Variants in SF3B2 observed in about 807,000 individuals in gnomAD.
SF3B2 encodes the protein SAP 145.
SF3B2 carries 22 observed loss-of-function variants against 116.3 expected under a neutral mutation model. That is an observed-to-expected ratio of 0.19 (90% CI 0.14 to 0.27). The LOEUF (loss-of-function observed/expected upper bound fraction) is 0.27. SF3B2 is among the 10% of genes least tolerant of loss of function. The probability of loss-of-function intolerance (pLI) is 1.00; values close to 1 mark genes in which losing one functional copy is unlikely to be tolerated. For missense variants in SF3B2, 767 were observed against 1,151.4 expected, an observed-to-expected ratio of 0.67 and a Z score of 4.83; for synonymous variants, 406 against 421.6, an observed-to-expected ratio of 0.96 and a Z score of 0.45.
intron 17 of SF3B2, 90 bp downstream of exon 17, chr11:66,063,206 G>GTC: frequency 9.0e-7 from 1 of 1,113,532 alleles, no homozygotes; most frequent in Non-Finnish European, 1.3e-6. Context: ...GGAGTTGTGT[G>GTC]TTCTGACACA....
Position 66,058,986 on chromosome 11 carries a change from G to A in SF3B2, c.1123G>A (p.Glu375Lys). 6.2e-7 allele frequency: 1 copy of A among 1,614,184 alleles called. No homozygotes were observed. The highest frequency in any genetic ancestry group is 8.5e-7 in the Non-Finnish European group (1 of 1,180,040). The change falls in exon 10 of 22, where the codon GAA (glutamate) becomes AAA (lysine). Residue 375 changes from glutamate (E) to lysine (K), a missense_variant. Glu to Lys is a moderately conservative substitution (Grantham distance 56). This residue lies in a region of SF3B2 where 455 missense variants were observed against 537.5 expected (regional missense o/e 0.85). Transcript: ENST00000322535. ...ADVEIEYVTEEPEIYEPNFIF... is the reference protein window; with the variant it reads ...ADVEIEYVTEKPEIYEPNFIF... The stretch of plus-strand genomic sequence containing the variant: ...TGTTGAGATTGAGTATGTGACTGAA[G>A]AACCTGAAATTTACGAGCCCAACTT...
At chr11:66,055,649 T>G in intron 5 of SF3B2, 64 bp downstream of exon 5, 2 of 1,454,790 alleles carry the variant, frequency 1.4e-6, no homozygotes, top group Non-Finnish European at 1.9e-6. Flanking sequence ...TTTATAGTGC[T>G]TAGAGTGCAC....
At chr11:66,068,427 G>A in intron 21 of SF3B2, 94 bp downstream of exon 21, 1 of 1,281,134 alleles carries the variant, frequency 7.8e-7, no homozygotes, top group Non-Finnish European at 1.1e-6. Context: ...TGAGAGTGAG[G>A]GTGGCCTCTG....
At chr11:66,054,537 G>A (rs1219884175) in intron 3 of SF3B2, among the ~76,000 whole-genome samples, 1 of 151,580 alleles carries the variant, frequency 6.6e-6, no homozygotes, top group Non-Finnish European at 1.5e-5. Flanking sequence ...TTACCCAGCT[G>A]GAAGCAATCA....
chr11:66,062,941 T>G, intron 16 of SF3B2, 68 bp from the exon 17 acceptor site: 2 of 1,077,608 alleles, frequency 1.9e-6, no homozygotes, highest in South Asian at 3.2e-5. Flanking sequence ...TGAGTGTGCC[T>G]TTTCTCTAGG....
chr11:66,062,475 T>TAAAAAAA (rs1857115005), intron 16 of SF3B2, among the ~76,000 whole-genome samples: 1 of 150,128 alleles, frequency 6.7e-6, no homozygotes, highest in African/African-American at 2.4e-5. Context: ...CACCTCTACT[T>TAAAAAAA]TAAAAAAAAA....
intron 7 of SF3B2, 136 bp downstream of exon 7, chr11:66,057,511 TTAAAC>T (rs1001441504): frequency 2.2e-5 from 14 of 631,706 alleles, no homozygotes; most frequent in South Asian, 1.9e-4. Flanking sequence ...CCCTTCTTAT[TTAAAC>T]TAAGGGTATG....
In SF3B2 at chr11:66,061,989, C is replaced by T. The variant is rs1857107601; in HGVS notation, c.1968C>T (p.Pro656=). The change falls in exon 16 of 22, where the codon CCC becomes CCT. Residue 656 remains proline, a synonymous_variant. Transcript: ENST00000322535. ...TGAAAATCCCTGGGCTGAACTCGCC[C>T]ATCCCTGAGGTGAGCATTGTCCTTT... is the stretch of plus-strand genomic sequence containing the variant. ...PNLKIPGLNS[P]IPESCSFGYH... 2.5e-6 allele frequency: 4 copies of T among 1,611,702 alleles called. No homozygotes were observed. The South Asian group carries it at 4.4e-5, about 18-fold the overall frequency.
chr11:66,068,139 C>T lies in SF3B2; in HGVS notation c.2431-9C>T, dbSNP rs374748125. 1.1e-5 allele frequency: 17 copies of T among 1,613,726 alleles called. No homozygotes were observed. The highest frequency in any genetic ancestry group is 8.0e-5 in the African/African-American group (6 of 74,880). ...TTTGGAGATGACCAGGCCCTGATCT[C>T]CTTTCCAGGTTATGAGCCGGAAGGG... On this transcript the variant is annotated splice_polypyrimidine_tract_variant and intron_variant, in intron 20 of 21. Coordinates refer to ENST00000322535, the MANE Select transcript of SF3B2 (RefSeq NM_006842.3).
At position 66,058,352 on chromosome 11, in the gene SF3B2, G is replaced by A. The variant is rs1857039435; in HGVS notation, c.913G>A (p.Gly305Ser). The change falls in exon 9 of 22, where the codon GGC becomes AGC. Residue 305 changes from glycine to serine, a missense_variant. By Grantham distance (56) the Gly-to-Ser change is moderately conservative. Around this residue, in one of 4 missense-constraint regions of SF3B2, gnomAD observed 455 missense variants for 537.5 expected, o/e 0.85. Coordinates refer to ENST00000322535, the MANE Select transcript of SF3B2 (RefSeq NM_006842.3). ...GGAAACAGATGCTCGCTCGTCCCTG[G>A]GCCAGTCAGCGTCAGAGACTGAGGA... ...EMETDARSSL[G>S]QSASETEEDT... 6.2e-7 allele frequency: 1 copy of A among 1,614,024 alleles called. No individual in the cohort carries two copies. Among genetic ancestry groups the A allele is most frequent in the East Asian group, 2.2e-5 (1 of 44,884 alleles).
At chr11:66,063,807 C>T in intron 19 of SF3B2, 78 bp downstream of exon 19, 1 of 1,171,012 alleles carries the variant, frequency 8.5e-7, no homozygotes, top group East Asian at 2.4e-5. Flanking sequence ...GTTCCTTTCT[C>T]CCTCATCCTT....
intron 16 of SF3B2, 130 bp downstream of exon 16, chr11:66,062,128 A>G: frequency 4.2e-6 from 3 of 715,608 alleles, no homozygotes; most frequent in Non-Finnish European, 7.1e-6. Flanking sequence ...TTGACATAAT[A>G]TTTGTCATAT....
At chr11:66,062,625 ATTG>A (rs1857118609) in intron 16 of SF3B2, among the ~76,000 whole-genome samples, 1 of 152,196 alleles carries the variant, frequency 6.6e-6, no homozygotes. Flanking sequence ...AAACAGTAGT[ATTG>A]TTAAATTTTA....
At chr11:66,058,488 A>T in intron 9 of SF3B2, 83 bp downstream of exon 9, 1 of 1,046,024 alleles carries the variant, frequency 9.6e-7, no homozygotes, top group Non-Finnish European at 1.5e-6. Flanking sequence ...AGTGTTCAGT[A>T]AGTAATAGCT....
rs1221092704 is a variant in SF3B2 at position 66,059,169 on chromosome 11, G to C, written c.1183-32G>C. 1 of 1,613,788 alleles carries C rather than the reference G, an allele frequency of 6.2e-7. No individual in the cohort carries two copies. ...CTTAGGAACTGGGAAGGGGCTCAGA[G>C]GGCAGGGGTTTCACCTTGTCTGCCT... On this transcript the variant is annotated intron_variant, in intron 10 of 21. Coordinates refer to ENST00000322535, the MANE Select transcript of SF3B2 (RefSeq NM_006842.3). The surrounding 1 kb of genome is among the most constrained non-coding windows in gnomAD (Gnocchi z 5.0).
rs1206004055 is a variant in SF3B2, at chr11:66,059,305, G to A, written c.1287G>A (p.Lys429=). 3 of 1,614,018 alleles carry A rather than the reference G, an allele frequency of 1.9e-6. No homozygotes were observed. The highest frequency in any genetic ancestry group is 2.2e-5 in the East Asian group (1 of 44,854). ...PKKKGFEEEH[K]DSDDDSSDDE... is the part of the protein sequence containing the mutation. Reference sequence around the variant, plus strand: ...AGAAGGGATTTGAAGAGGAGCACAAGGACAGTGATGATGACAGCAGTGATG... The same window carrying A: ...AGAAGGGATTTGAAGAGGAGCACAAAGACAGTGATGATGACAGCAGTGATG... Residue 429 remains lysine, a synonymous_variant, in exon 11 of 22, where the codon AAG becomes AAA. Transcript: ENST00000322535. The surrounding 1 kb of genome is among the most constrained non-coding windows in gnomAD (Gnocchi z 5.0).
Position 66,068,938 on chromosome 11 carries a change from C to A in SF3B2, c.*193C>A. ...CTGAGCCTCCCTCATCTCCTTTTAG[C>A]CCCTTCTTGCAAAAGGACTAAAATA... On this transcript the variant is annotated 3_prime_UTR_variant, in exon 22 of 22. Transcript: ENST00000322535. The A allele has an allele frequency of 1.8e-6, 1 of 561,856 alleles. No homozygotes were observed. Among genetic ancestry groups the A allele is most frequent in the Non-Finnish European group, 3.2e-6 (1 of 312,346 alleles). 34.8% of individuals were successfully genotyped at this position (561,856 alleles called of 1,614,324 possible). A position where few individuals can be genotyped will look rare whatever the true frequency, so the allele number is the denominator to read the frequency against.
intron 5 of SF3B2, chr11:66,055,930 G>A (rs1031386405): frequency 4.4e-5 from 12 of 274,090 alleles, no homozygotes; most frequent in Middle Eastern, 1.1e-3. Flanking sequence ...ACCTCTGCTC[G>A]CCTTACATGA....
chr11:66,057,436 TGGATTTTTA>T, intron 7 of SF3B2, 61 bp downstream of exon 7: 1 of 854,112 alleles, frequency 1.2e-6, no homozygotes, highest in Non-Finnish European at 1.9e-6. Context: ...GGACTATTTT[TGGATTTTTA>T]GAGAAAGGTT....
Sources: allele counts gnomAD v4.1 joint callset (sites outside exome capture counted in the v4.1 genomes callset), GRCh38; gene constraint gnomAD v4.1.1; regional missense constraint gnomAD v4.1.1; non-coding constraint Gnocchi (gnomAD v3.1); transcripts MANE v1.5; gene names NCBI Gene and HGNC (gene_info 2026-07-23, HGNC 2026-07-21).